Variants in HAUS8 observed in about 807,000 individuals in gnomAD.
HAUS8 encodes HAUS augmin-like complex subunit 8.
Under a neutral mutation model 42.9 loss-of-function variants are expected in HAUS8, and 38 were observed. The observed-to-expected ratio is 0.89, with a 90% CI of 0.68 to 1.16. The LOEUF (loss-of-function observed/expected upper bound fraction) is 1.16. HAUS8 is among the 50% of genes most tolerant of loss of function. HAUS8 has a pLI of 0.00. For synonymous variants in HAUS8, 199 were observed against 205.8 expected (o/e 0.97, Z 0.28); for missense variants, 494 against 511.6 (o/e 0.97, Z 0.33).
chr19:17,068,293 T>A (rs1220063038), intron 3 of HAUS8, among the ~76,000 whole-genome samples: 3 of 152,050 alleles, frequency 2.0e-5, no homozygotes, highest in African/African-American at 7.2e-5. Context: ...TTTGTATTTT[T>A]AGTTGAGACG....
intron 2 of HAUS8, among the ~76,000 whole-genome samples, chr19:17,072,404 G>A (rs980366875): frequency 6.3e-5 from 9 of 143,194 alleles, no homozygotes; most frequent in Non-Finnish European, 1.2e-4. Context: ...GTACAGTGGC[G>A]CGATCTCGGC....
intron 9 of HAUS8, chr19:17,055,149 T>C (rs4030892): frequency 5.5e-4 from 3 of 5,484 alleles, no homozygotes; most frequent in Non-Finnish European, 8.8e-4. Flanking sequence ...AAAAAATATA[T>C]ATATATATAT....
intron 4 of HAUS8, 58 bp downstream of exon 4, chr19:17,062,640 T>A: frequency 7.7e-7 from 1 of 1,302,936 alleles, no homozygotes; most frequent in Non-Finnish European, 1.1e-6. Flanking sequence ...TTAGCACCCA[T>A]GGAGACAAAA....
intron 4 of HAUS8, among the ~76,000 whole-genome samples, chr19:17,061,077 G>C (rs35557167): frequency 0.15 from 22,096 of 151,960 alleles, 1,860 homozygotes; most frequent in Non-Finnish European, 0.2. Flanking sequence ...AATCTATTGA[G>C]AGCACATGCC....
rs150289706 is a variant in HAUS8 at position 17,059,868 on chromosome 19, T to C, written c.325+129A>G. The C allele has an allele frequency of 2.6e-5, 19 of 729,092 alleles. No individual in the cohort carries two copies. The African/African-American group carries it at 2.6e-4, about 10-fold the overall frequency. 45.2% of individuals were successfully genotyped at this position (729,092 alleles called of 1,614,324 possible). The stretch of plus-strand genomic sequence containing the variant: ...CAAGGTATTAAGTATATTTTTGATG[T>C]ACAATATTTTCAACTTACAATGGGT... On this transcript the variant is annotated intron_variant, in intron 5 of 10. Coordinates refer to ENST00000253669, the MANE Select transcript of HAUS8 (RefSeq NM_033417.2).
At chr19:17,060,182 C>A in intron 4 of HAUS8, 90 bp from the exon 5 acceptor site, 1 of 708,576 alleles carries the variant, frequency 1.4e-6, no homozygotes, top group South Asian at 2.1e-5. Flanking sequence ...TTGAACAATA[C>A]CACTTGCTTC....
intron 2 of HAUS8, among the ~76,000 whole-genome samples, chr19:17,069,659 G>A (rs1362136121): frequency 1.3e-5 from 2 of 151,860 alleles, no homozygotes; most frequent in Non-Finnish European, 2.9e-5. Flanking sequence ...ACTGTGGATG[G>A]AACAAATGCC....
intron 9 of HAUS8, among the ~76,000 whole-genome samples, chr19:17,054,130 C>A (rs2057305499): frequency 1.3e-5 from 2 of 152,194 alleles, no homozygotes; most frequent in Non-Finnish European, 1.5e-5. Context: ...TGGAGGGAGC[C>A]AATCCCATCA....
At position 17,049,888 on chromosome 19, in the gene HAUS8, C is replaced by T; in HGVS notation, c.1218G>A (p.Gly406=). ...AEVPPSLSRS[G]RDLS ...TAACCATGAGTCATGACAAGTCCCT[C>T]CCTGAACGAGAGAGAGAGGGCGGGA... Residue 406 remains glycine, a synonymous_variant, in exon 11 of 11, where the codon GGG becomes GGA. Transcript: ENST00000253669. The T allele has an allele frequency of 6.7e-7, 1 of 1,496,558 alleles. No individual in the cohort carries two copies. The highest frequency in any genetic ancestry group is 8.9e-7 in the Non-Finnish European group (1 of 1,122,014). 92.7% of individuals were successfully genotyped at this position (1,496,558 alleles called of 1,614,324 possible).
intron 9 of HAUS8, 47 bp from the exon 10 acceptor site, chr19:17,053,013 C>T (rs368608943): frequency 2.5e-6 from 4 of 1,612,496 alleles, no homozygotes; most frequent in South Asian, 1.1e-5. Context: ...AGGTGCCCCA[C>T]GCAAGGCACA....
At chr19:17,067,146 A>G (rs542019542) in intron 3 of HAUS8, among the ~76,000 whole-genome samples, 4 of 149,980 alleles carry the variant, frequency 2.7e-5, no homozygotes, top group African/African-American at 9.8e-5. Context: ...CGGAGGTTGC[A>G]GTGAGCCGAG....
chr19:17,073,428 G>A lies in HAUS8; in HGVS notation c.30-93C>T, dbSNP rs2057440812. ...GCCTCTGCTAGTTGAAGCTCAGACA[G>A]CCCAGTCCAAGGGCTGCCAGAGGAC... On this transcript the variant is annotated intron_variant, in intron 1 of 10. Coordinates refer to ENST00000253669, the MANE Select transcript of HAUS8 (RefSeq NM_033417.2). 8 of 1,181,482 alleles carry A rather than the reference G, an allele frequency of 6.8e-6. 1 individual carries two copies. The Admixed American group carries it at 1.0e-4, about 15-fold the overall frequency. The allele number at this position is 1,181,482 out of a possible 1,614,324, so 73.2% of individuals were successfully genotyped here. A position where few individuals can be genotyped will look rare whatever the true frequency, so the allele number is the denominator to read the frequency against.
At chr19:17,067,594 T>C (rs1316564472) in intron 3 of HAUS8, among the ~76,000 whole-genome samples, 2 of 152,136 alleles carry the variant, frequency 1.3e-5, no homozygotes, top group African/African-American at 4.8e-5. Context: ...AGGGCTAAAA[T>C]GTTACAGCAC....
intron 9 of HAUS8, chr19:17,053,647 G>C (rs891393153): frequency 6.6e-6 from 1 of 152,448 alleles, no homozygotes; most frequent in Non-Finnish European, 1.5e-5. Context: ...CATCGGATGC[G>C]GGAAATTTCT....
At chr19:17,056,598 T>C (rs2057328319) in intron 8 of HAUS8, among the ~76,000 whole-genome samples, 1 of 151,534 alleles carries the variant, frequency 6.6e-6, no homozygotes, top group African/African-American at 2.4e-5. Context: ...CACATACACA[T>C]ATATATTTTT....
In HAUS8 at chr19:17,055,904, G is replaced by C; in HGVS notation, c.744C>G (p.Pro248=). The C allele has an allele frequency of 6.2e-7, 1 of 1,614,146 alleles. No homozygotes were observed. The highest frequency in any genetic ancestry group is 8.5e-7 in the Non-Finnish European group (1 of 1,180,022). ...TALDTTRHEL[P]VRSIHLEGDG... ...CTCCCTCCAGGTGGATGGACCTCACGGGCAGCTCGTGCCTGGTAGTGTCCA... is the reference window on the plus strand; with the variant it reads ...CTCCCTCCAGGTGGATGGACCTCACCGGCAGCTCGTGCCTGGTAGTGTCCA... Residue 248 remains proline, a synonymous_variant, in exon 9 of 11, where the codon CCC becomes CCG. Coordinates refer to ENST00000253669, the MANE Select transcript of HAUS8 (RefSeq NM_033417.2).
intron 9 of HAUS8, among the ~76,000 whole-genome samples, chr19:17,054,825 T>C (rs1406762439): frequency 6.6e-6 from 1 of 151,284 alleles, no homozygotes; most frequent in Non-Finnish European, 1.5e-5. Flanking sequence ...CCAGGTGCAG[T>C]GGTGGATGCC....
intron 3 of HAUS8, among the ~76,000 whole-genome samples, chr19:17,066,948 T>TA (rs1197063542): frequency 1.3e-5 from 2 of 152,148 alleles, no homozygotes; most frequent in Admixed American, 1.3e-4. Flanking sequence ...CTCATGCCTG[T>TA]AATCCCAGCA....
chr19:17,064,881 T>G (rs2057379044), intron 3 of HAUS8, among the ~76,000 whole-genome samples: 1 of 152,204 alleles, frequency 6.6e-6, no homozygotes, highest in African/African-American at 2.4e-5. Context: ...CGTCAACTAC[T>G]GCCTCTTAAA....
Sources: gnomAD v4.1 joint callset for allele counts (sites outside exome capture counted in the v4.1 genomes callset) on GRCh38, gnomAD v4.1.1 for gene constraint, MANE v1.5 for transcripts, NCBI Gene and HGNC (gene_info 2026-07-23, HGNC 2026-07-21) for gene names.